Variants in CTIF observed in about 807,000 individuals in gnomAD.
CTIF encodes the protein CBP80/20-dependent translation initiation factor.
A neutral mutation model predicts 66.0 loss-of-function variants in CTIF; 21 were observed. The observed-to-expected ratio is 0.32, with a 90% confidence interval of 0.23 to 0.46. The LOEUF (loss-of-function observed/expected upper bound fraction) is 0.46. Ranked by LOEUF, CTIF falls within the 20% of genes least tolerant of loss-of-function variation. The pLI, the probability that CTIF is intolerant of heterozygous loss-of-function variation, is 1.00. For missense variants in CTIF, 739 were observed against 812.7 expected, an observed-to-expected ratio of 0.91 and a Z score of 1.10; for synonymous variants, 345 against 326.4, an observed-to-expected ratio of 1.06 and a Z score of -0.62.
chr18:48,810,518 A>T (rs1183861788), intron 9 of CTIF, among the ~76,000 whole-genome samples: 1 of 152,138 alleles, frequency 6.6e-6, no homozygotes, highest in Non-Finnish European at 1.5e-5. Context: ...TAGTCCCAGT[A>T]TGTAACCTGT....
chr18:48,578,331 G>T (rs2089580472), intron 1 of CTIF, among the ~76,000 whole-genome samples: 1 of 152,076 alleles, frequency 6.6e-6, no homozygotes, highest in Admixed American at 6.5e-5. Context: ...TAATTCTCTT[G>T]GGTATATACC....
intron 6 of CTIF, among the ~76,000 whole-genome samples, chr18:48,699,290 T>G (rs759892736): frequency 1.1e-4 from 17 of 151,946 alleles, no homozygotes; most frequent in Non-Finnish European, 2.2e-4. Flanking sequence ...GACAGGCCCC[T>G]CCCTGGCTCT....
chr18:48,748,047 C>G (rs1907419626), intron 7 of CTIF, among the ~76,000 whole-genome samples: 1 of 152,086 alleles, frequency 6.6e-6, no homozygotes, highest in South Asian at 2.1e-4. Flanking sequence ...CCACCAGTCC[C>G]AAGATGGACT....
intron 3 of CTIF, among the ~76,000 whole-genome samples, chr18:48,657,802 T>G (rs1020234752): frequency 6.6e-6 from 1 of 152,154 alleles, no homozygotes; most frequent in Admixed American, 6.5e-5. Context: ...TATAGTAGCC[T>G]AAAGTGAAAT....
At chr18:48,797,249 G>A (rs773470321) in intron 9 of CTIF, among the ~76,000 whole-genome samples, 3 of 152,302 alleles carry the variant, frequency 2.0e-5, no homozygotes, top group South Asian at 2.1e-4. Flanking sequence ...TTGGGAGGCC[G>A]AGGTGGGCAG....
chr18:48,618,707 C>G (rs1185009758), intron 1 of CTIF, among the ~76,000 whole-genome samples: 1 of 152,170 alleles, frequency 6.6e-6, no homozygotes, highest in Non-Finnish European at 1.5e-5. Context: ...CTGGGTTGAG[C>G]ACATCAGCTC....
chr18:48,790,032 G>A (rs2067758277), intron 9 of CTIF, among the ~76,000 whole-genome samples: 1 of 152,176 alleles, frequency 6.6e-6, no homozygotes, highest in African/African-American at 2.4e-5. Context: ...TCATTGCCAT[G>A]GGGCCATTGT....
At chr18:48,557,227 C>T (rs1284390016) in intron 1 of CTIF, among the ~76,000 whole-genome samples, 1 of 152,082 alleles carries the variant, frequency 6.6e-6, no homozygotes, top group Non-Finnish European at 1.5e-5. Flanking sequence ...CCCTGCAAAA[C>T]TTGTTTGGAG....
intron 1 of CTIF, among the ~76,000 whole-genome samples, chr18:48,586,373 C>T (rs957283155): frequency 1.3e-5 from 2 of 151,370 alleles, no homozygotes; most frequent in Non-Finnish European, 2.9e-5. Flanking sequence ...TTGATTCAAG[C>T]GATTCTCCTG....
At position 48,632,014 on chromosome 18, in the gene CTIF, G is replaced by A. The variant is rs186929544; in HGVS notation, c.181-4600G>A. 1.2e-3 allele frequency among the ~76,000 whole-genome samples: 177 copies of A among 152,276 alleles called. 1 individual carries two copies. Among genetic ancestry groups the A allele is most frequent in the Non-Finnish European group, 2.0e-3 (138 of 68,026 alleles). On this transcript the variant is annotated intron_variant, in intron 2 of 11. Coordinates refer to ENST00000256413, the MANE Select transcript of CTIF (RefSeq NM_014772.3). ...GTCCATTTCTGGAGATTTTCTAGGC[G>A]GTGTCTCAGAGAAGGCAAACGGGAG...
In CTIF at chr18:48,730,318, C is replaced by T. The variant is rs560755693; in HGVS notation, c.584+18623C>T. On this transcript the variant is annotated intron_variant, in intron 7 of 11. Transcript: ENST00000256413. ...GCCCCTGAGGTGTGAGGGGCTTCTG[C>T]GGTGTGAGGGGCCCCTGCGGTGTGA... 1.2e-3 allele frequency among the ~76,000 whole-genome samples: 136 copies of T among 114,894 alleles called. No individual in the cohort carries two copies. The East Asian group carries it at 0.022, about 19-fold the overall frequency. 75.4% of individuals were successfully genotyped at this position (114,894 alleles called of 152,430 possible).
intron 1 of CTIF, chr18:48,568,258 A>G (rs906510309): frequency 1.3e-5 from 2 of 152,190 alleles, no homozygotes; most frequent in Non-Finnish European, 2.9e-5. Flanking sequence ...CTGTGAGTAC[A>G]TGACATTATC....
At position 48,619,671 on chromosome 18, in the gene CTIF, C is replaced by A. The variant is rs757321888; in HGVS notation, c.106C>A (p.Gln36Lys). 1 of 1,607,442 alleles carries A rather than the reference C, an allele frequency of 6.2e-7. No homozygotes were observed. The highest frequency in any genetic ancestry group is 1.1e-5 in the South Asian group (1 of 89,242). ...RFIDSYVLEY[Q>K]VQGLLADKTE... ...CATCGACAGCTACGTGCTGGAGTAC[C>A]AGGTGCAGGGGCTGCTGGCTGACAA... Residue 36 changes from glutamine to lysine, a missense_variant, in exon 2 of 12, where the codon CAG (glutamine) becomes AAG (lysine). Gln to Lys is a moderately conservative substitution (Grantham distance 53). Around this residue, in one of 2 missense-constraint regions of CTIF, gnomAD observed 529 missense variants for 520.3 expected, o/e 1.02. Coordinates refer to ENST00000256413, the MANE Select transcript of CTIF (RefSeq NM_014772.3).
rs555755626 is a variant in CTIF at position 48,663,802 on chromosome 18, G to A, written c.303G>A (p.Ala101=). 2.5e-6 allele frequency: 4 copies of A among 1,613,992 alleles called. No individual in the cohort carries two copies. The highest frequency in any genetic ancestry group is 3.4e-6 in the Non-Finnish European group (4 of 1,179,984). Residue 101 remains alanine, a synonymous_variant, in exon 4 of 12, where the codon GCG becomes GCA. Transcript: ENST00000256413. ...ACATGCTGGGCACGGACATCTGGGC[G>A]GCCAACACCTTCGATTCCTTCAGGT... ...SLDMLGTDIW[A]ANTFDSFSGA...
chr18:48,741,515 C>A (rs372416911), intron 7 of CTIF, among the ~76,000 whole-genome samples: 10 of 151,696 alleles, frequency 6.6e-5, no homozygotes, highest in Non-Finnish European at 1.3e-4. Flanking sequence ...CCTCCGCCCC[C>A]CAGGTTCAAG....
intron 9 of CTIF, among the ~76,000 whole-genome samples, chr18:48,805,140 C>T (rs1204780662): frequency 6.6e-6 from 1 of 152,200 alleles, no homozygotes; most frequent in Non-Finnish European, 1.5e-5. Context: ...GTCACAGTGT[C>T]TGTGGGTTCC....
At chr18:48,582,330 G>A (rs1376034311) in intron 1 of CTIF, among the ~76,000 whole-genome samples, 2 of 152,132 alleles carry the variant, frequency 1.3e-5, no homozygotes, top group African/African-American at 2.4e-5. Context: ...GGACACACCC[G>A]TGGGAACAGA....
chr18:48,632,312 C>T (rs1027844383), intron 2 of CTIF, among the ~76,000 whole-genome samples: 1 of 152,182 alleles, frequency 6.6e-6, no homozygotes, highest in Non-Finnish European at 1.5e-5. Context: ...TTCACTCCTC[C>T]CCATTTACAC....
intron 5 of CTIF, 50 bp from the exon 6 acceptor site, chr18:48,670,619 A>T (rs376137526): frequency 7.9e-6 from 12 of 1,518,834 alleles, no homozygotes; most frequent in Non-Finnish European, 1.1e-5. Context: ...ATGGGACAGG[A>T]GGCATGAATG....
Sources: gnomAD v4.1 joint callset for allele counts (sites outside exome capture counted in the v4.1 genomes callset) on GRCh38, gnomAD v4.1.1 for gene constraint, gnomAD v4.1.1 regional missense constraint, MANE v1.5 for transcripts, NCBI Gene and HGNC (gene_info 2026-07-23, HGNC 2026-07-21) for gene names.